PLEKHA4: variants seen among roughly 807,000 people sequenced by gnomAD.
PLEKHA4 encodes pleckstrin homology domain-containing family A member 4.
PLEKHA4 carries 73 observed loss-of-function variants against 94.7 expected under a neutral mutation model. The ratio of observed to expected loss-of-function variants is 0.77; its 90% CI spans 0.64 to 0.94. The LOEUF (loss-of-function observed/expected upper bound fraction) is 0.94, where lower values mean the gene tolerates loss of function less well. Among genes scored for constraint, PLEKHA4 ranks in the 40% least tolerant of loss-of-function variants. The pLI, the probability that PLEKHA4 is intolerant of heterozygous loss-of-function variation, is 0.00. For synonymous variants in PLEKHA4, 449 were observed against 437.1 expected (o/e 1.03, Z -0.34); for missense variants, 1,049 against 1,054.1 (o/e 1.00, Z 0.07).
intron 9 of PLEKHA4, among the ~76,000 whole-genome samples, chr19:48,855,161 C>T (rs2036353885): frequency 6.6e-6 from 1 of 151,998 alleles, no homozygotes; most frequent in Non-Finnish European, 1.5e-5. Flanking sequence ...TTATTTATGA[C>T]TAAGAATAAA....
intron 13 of PLEKHA4, among the ~76,000 whole-genome samples, chr19:48,850,132 G>A (rs1354050888): frequency 1.3e-5 from 2 of 151,090 alleles, no homozygotes; most frequent in Non-Finnish European, 3.0e-5. Context: ...CTTGAACCCG[G>A]GAGGCAGAGG....
intron 18 of PLEKHA4, 101 bp from the exon 19 acceptor site, chr19:48,838,230 T>A: frequency 1.6e-6 from 1 of 642,312 alleles, no homozygotes; most frequent in South Asian, 1.9e-5. Context: ...AGACCTACTA[T>A]TAGATAGCAC....
rs547011571 is a variant in PLEKHA4, at chr19:48,841,435, T to G, written c.1744-125A>C. On this transcript the variant is annotated intron_variant, in intron 16 of 19. Transcript: ENST00000263265. ...TGAGGTCAGGAGTTGAAGACCAGCCTGGCCAACTTGGCGAAATACCATCTC... is the reference window on the plus strand; with the variant it reads ...TGAGGTCAGGAGTTGAAGACCAGCCGGGCCAACTTGGCGAAATACCATCTC... The G allele has an allele frequency of 2.7e-5, 27 of 1,009,264 alleles. No homozygotes were observed. In the South Asian group the frequency reaches 4.8e-4, roughly 18 times the overall value. 62.5% of individuals were successfully genotyped at this position (1,009,264 alleles called of 1,614,324 possible). A position where few individuals can be genotyped will look rare whatever the true frequency, so the allele number is the denominator to read the frequency against.
Position 48,837,328 on chromosome 19 carries a change from T to G in PLEKHA4, c.2301A>C (p.Ala767=). ...APPVLPQDEG[A]WPLRVTLLQS... is the part of the protein sequence containing the mutation. The stretch of plus-strand genomic sequence containing the variant: ...GTAGCAGAGTGACTCGCAGAGGCCA[T>G]GCCCCCTCGTCTTGTGGCAGGACCG... Residue 767 remains alanine (A), a synonymous_variant, in exon 20 of 20, where the codon GCA becomes GCC. Transcript: ENST00000263265. The surrounding 1 kb of genome is among the most constrained non-coding windows in gnomAD (Gnocchi z 4.3). 6.2e-7 allele frequency: 1 copy of G among 1,613,924 alleles called. No homozygotes were observed. Among genetic ancestry groups the G allele is most frequent in the Non-Finnish European group, 8.5e-7 (1 of 1,180,010 alleles).
In PLEKHA4 at chr19:48,858,977, G is replaced by T; in HGVS notation, c.855C>A (p.Gly285=). ...RIDVRPPLDW[G]PQRQTLSRPP... Reference sequence around the variant, plus strand: ...GTCGGGAGAGGGTCTGGCGTTGGGGGCCCCAATCCAGAGGAGGTCGGACAT... The same window carrying T: ...GTCGGGAGAGGGTCTGGCGTTGGGGTCCCCAATCCAGAGGAGGTCGGACAT... Residue 285 remains glycine, a synonymous_variant, in exon 8 of 20, where the codon GGC becomes GGA. Transcript: ENST00000263265. 2.5e-6 allele frequency: 4 copies of T among 1,584,406 alleles called. No individual in the cohort carries two copies. The highest frequency in any genetic ancestry group is 2.8e-5 in the African/African-American group (2 of 72,338).
Position 48,838,110 on chromosome 19 carries a change from A to G in PLEKHA4, c.1984T>C (p.Tyr662His), listed in dbSNP as rs201428999. ...SWSSPRNTTPYLPTSEGHRER... is the reference protein window; with the variant it reads ...SWSSPRNTTPHLPTSEGHRER... ...CGGTGACCTTCGGAAGTCGGCAAGT[A>G]AGGGGTGGTGTTCCTTGGACTAGAA... Residue 662 changes from tyrosine to histidine, a missense_variant, in exon 19 of 20, where the codon TAC becomes CAC. Coordinates refer to ENST00000263265, the MANE Select transcript of PLEKHA4 (RefSeq NM_020904.3). 3 of 1,602,558 alleles carry G rather than the reference A, an allele frequency of 1.9e-6. No individual in the cohort carries two copies. The East Asian group carries it at 6.8e-5, about 36-fold the overall frequency.
At chr19:48,851,760 G>A (rs1289778706) in intron 13 of PLEKHA4, among the ~76,000 whole-genome samples, 1 of 151,940 alleles carries the variant, frequency 6.6e-6, no homozygotes, top group East Asian at 1.9e-4. Context: ...TTCAAGACCA[G>A]CCTGACCAAC....
chr19:48,858,893 A>T lies in PLEKHA4; in HGVS notation c.939T>A (p.Ser313Arg), dbSNP rs2036526731. 1 of 1,606,994 alleles carries T rather than the reference A, an allele frequency of 6.2e-7. No homozygotes were observed. Among genetic ancestry groups the T allele is most frequent in the Non-Finnish European group, 8.5e-7 (1 of 1,178,032 alleles). Residue 313 changes from serine to arginine, a missense_variant, in exon 8 of 20, where the codon AGT becomes AGA. By Grantham distance (110) the Ser-to-Arg change is moderately radical. Transcript: ENST00000263265. Reference protein sequence around the residue: ...SEAGGGKPPRSPQHWSQEPRT... With the variant: ...SEAGGGKPPRRPQHWSQEPRT... ...TGGGCTCCTGACTCCAGTGCTGGGG[A>T]CTCCTGGGGGGCTTTCCTCCCCCAG...
chr19:48,838,319 A>G (rs900308364), intron 18 of PLEKHA4, 190 bp from the exon 19 acceptor site: 5 of 434,926 alleles, frequency 1.1e-5, no homozygotes, highest in African/African-American at 8.0e-5. Flanking sequence ...TTGTTTATAC[A>G]TCAAAGGGTA....
chr19:48,844,516 G>A (rs2035892597), intron 16 of PLEKHA4: 1 of 985,154 alleles, frequency 1.0e-6, no homozygotes, highest in African/African-American at 1.7e-5. Flanking sequence ...AAAGACTTCT[G>A]AAAGCCAGCC....
In PLEKHA4 at chr19:48,867,629, G is replaced by C. The variant is rs751951206; in HGVS notation, c.-6-3C>G. 1.6e-5 allele frequency: 25 copies of C among 1,585,878 alleles called. 1 individual carries two copies. The highest frequency in any genetic ancestry group is 1.2e-5 in the Non-Finnish European group (14 of 1,167,640). ...GGTCGGCTCCCCTCCATCAAGGGCT[G>C]GGGGAGAGAAAGAAAGGGGCTGTGT... On this transcript the variant is annotated splice_polypyrimidine_tract_variant and splice_region_variant and intron_variant, in intron 1 of 19. Coordinates refer to ENST00000263265, the MANE Select transcript of PLEKHA4 (RefSeq NM_020904.3). This position sits in a 1 kb window ranked among gnomAD's most constrained non-coding sequence, Gnocchi z 4.7.
At position 48,861,653 on chromosome 19, in the gene PLEKHA4, C is replaced by A. The variant is rs749693940; in HGVS notation, c.232G>T (p.Val78Phe). The A allele has an allele frequency of 3.7e-6, 6 of 1,614,152 alleles. No individual in the cohort carries two copies. The highest frequency in any genetic ancestry group is 4.2e-6 in the Non-Finnish European group (5 of 1,180,034). Residue 78 changes from valine to phenylalanine, a missense_variant, in exon 4 of 20, where the codon GTC becomes TTC. By Grantham distance (50) the Val-to-Phe change is conservative (BLOSUM62 -1). Coordinates refer to ENST00000263265, the MANE Select transcript of PLEKHA4 (RefSeq NM_020904.3). ...TAAAAGAGGCAATGGCCGGAGAGGA[C>A]GAACCAGCGGCGTTTCCAGAGACGG... is the stretch of plus-strand genomic sequence containing the variant. ...GLRLWKRRWF[V>F]LSGHCLFYYK...
At chr19:48,864,687 A>G (rs1036519602) in intron 3 of PLEKHA4, among the ~76,000 whole-genome samples, 4 of 151,946 alleles carry the variant, frequency 2.6e-5, no homozygotes, top group African/African-American at 9.7e-5. Flanking sequence ...TAGCCTCCCG[A>G]GTAGCTGGGA....
intron 16 of PLEKHA4, 34 bp from the exon 17 acceptor site, chr19:48,841,344 T>A (rs1342523625): frequency 6.4e-7 from 1 of 1,565,736 alleles, no homozygotes; most frequent in South Asian, 1.2e-5. Flanking sequence ...AGACCCAACC[T>A]TTAGGCCAGG....
At chr19:48,865,637 A>G (rs2036805303) in intron 2 of PLEKHA4, 27 bp from the exon 3 acceptor site, 2 of 1,527,978 alleles carry the variant, frequency 1.3e-6, no homozygotes, top group Non-Finnish European at 9.1e-7. Context: ...ACAGAAGTGA[A>G]CAGGGAGAGC....
intron 16 of PLEKHA4, 131 bp downstream of exon 16, chr19:48,845,239 A>C: frequency 1.2e-6 from 1 of 849,236 alleles, no homozygotes; most frequent in Non-Finnish European, 1.9e-6. Flanking sequence ...ATCAATCTCA[A>C]TGCTCTTAAC....
Position 48,837,758 on chromosome 19 carries a change from G to T in PLEKHA4, c.2078-207C>A, listed in dbSNP as rs1178087255. On this transcript the variant is annotated intron_variant, in intron 19 of 19. Transcript: ENST00000263265. The surrounding 1 kb of genome is among the most constrained non-coding windows in gnomAD (Gnocchi z 4.3). ...CCCTCAGATCCAGGAGTCTGGATAC[G>T]CCAGTCCAGTCCTCTTTGAGACTCA... 1.4e-5 allele frequency among the ~76,000 whole-genome samples: 2 copies of T among 145,616 alleles called. No individual in the cohort carries two copies. Among genetic ancestry groups the T allele is most frequent in the Non-Finnish European group, 3.0e-5 (2 of 66,962 alleles).
In PLEKHA4 at chr19:48,867,434, T is replaced by C; in HGVS notation, c.84+103A>G. On this transcript the variant is annotated intron_variant, in intron 2 of 19. Coordinates refer to ENST00000263265, the MANE Select transcript of PLEKHA4 (RefSeq NM_020904.3). The surrounding 1 kb of genome is among the most constrained non-coding windows in gnomAD (Gnocchi z 4.7). ...CCTTACTATGTCTGGCAGACCCCGT[T>C]GCTAAGGATCTTTGTCCTTAACAAC... is the stretch of plus-strand genomic sequence containing the variant. 7.4e-7 allele frequency: 1 copy of C among 1,354,548 alleles called. No homozygotes were observed. Among genetic ancestry groups the C allele is most frequent in the Non-Finnish European group, 1.0e-6 (1 of 991,520 alleles). 83.9% of individuals were successfully genotyped at this position (1,354,548 alleles called of 1,614,324 possible). A position where few individuals can be genotyped will look rare whatever the true frequency, so the allele number is the denominator to read the frequency against.
At chr19:48,838,961 T>C (rs2122865982) in intron 18 of PLEKHA4, among the ~76,000 whole-genome samples, 1 of 151,984 alleles carries the variant, frequency 6.6e-6, no homozygotes, top group Non-Finnish European at 1.5e-5. Context: ...CGCGTCACTA[T>C]CACCCAATTT....
Sources: allele counts gnomAD v4.1 joint callset (sites outside exome capture counted in the v4.1 genomes callset), GRCh38; gene constraint gnomAD v4.1.1; non-coding constraint Gnocchi (gnomAD v3.1); transcripts MANE v1.5; gene names NCBI Gene and HGNC (gene_info 2026-07-23, HGNC 2026-07-21).